TMEM182: variants seen among roughly 807,000 people sequenced by gnomAD.
The protein encoded by TMEM182 is transmembrane protein 182.
A neutral mutation model predicts 26.8 loss-of-function variants in TMEM182; 20 were observed. The ratio of observed to expected loss-of-function variants is 0.75; its 90% CI spans 0.53 to 1.09. The LOEUF is 1.09. Among genes scored for constraint, TMEM182 ranks in the 50% least tolerant of loss-of-function variants. The probability of loss-of-function intolerance (pLI) is 0.00; values close to 1 mark genes in which losing one functional copy is unlikely to be tolerated. For synonymous variants in TMEM182, 109 were observed against 102.2 expected, an observed-to-expected ratio of 1.07 and a Z score of -0.40; for missense variants, 277 against 275.5, an observed-to-expected ratio of 1.01 and a Z score of -0.04.
At chr2:102,814,304 GTA>G (rs1682661407) in intron 4 of TMEM182, among the ~76,000 whole-genome samples, 1 of 152,064 alleles carries the variant, frequency 6.6e-6, no homozygotes, top group South Asian at 2.1e-4. Context: ...CTGTGTCTGT[GTA>G]TATCTAAAAC....
At chr2:102,803,573 TGAGATAAGA>T (rs1446863725) in intron 4 of TMEM182, among the ~76,000 whole-genome samples, 2 of 152,132 alleles carry the variant, frequency 1.3e-5, no homozygotes, top group African/African-American at 4.8e-5. Context: ...TATTTGCAAC[TGAGATAAGA>T]GAGATAAGAT....
intron 3 of TMEM182, among the ~76,000 whole-genome samples, chr2:102,779,723 G>T (rs1029571835): frequency 6.6e-6 from 1 of 151,300 alleles, no homozygotes; most frequent in Non-Finnish European, 1.5e-5. Flanking sequence ...AAGGCTGGGT[G>T]TGGTGGCTCA....
intron 2 of TMEM182, among the ~76,000 whole-genome samples, chr2:102,763,638 G>C (rs536721301): frequency 6.6e-6 from 1 of 152,268 alleles, no homozygotes; most frequent in African/African-American, 2.4e-5. Flanking sequence ...TTTGGGGGCA[G>C]GAGAATAAGC....
At chr2:102,818,762 C>CTATCTATCTATG (rs1553444831), downstream of TMEM182, among the ~76,000 whole-genome samples, 3 of 151,788 alleles carry the variant, frequency 2.0e-5, no homozygotes, top group East Asian at 5.8e-4. Context: ...ATCTATCTAT[C>CTATCTATCTATG]TATCTATCTA....
chr2:102,836,119 C>T (rs1407282037), intron 3 of TMEM182, among the ~76,000 whole-genome samples: 1 of 152,012 alleles, frequency 6.6e-6, no homozygotes, highest in African/African-American at 2.4e-5. Flanking sequence ...TTGGAGGTAC[C>T]ACAGTTCTCT....
chr2:102,758,976 C>G (rs746741031), upstream of TMEM182, among the ~76,000 whole-genome samples: 4 of 152,150 alleles, frequency 2.6e-5, no homozygotes, highest in Non-Finnish European at 5.9e-5. Flanking sequence ...TATAAACACT[C>G]TAGCTACATT....
chr2:102,819,921 C>G (rs1682876958), downstream of TMEM182, among the ~76,000 whole-genome samples: 1 of 152,170 alleles, frequency 6.6e-6, no homozygotes, highest in Admixed American at 6.5e-5. Flanking sequence ...ATAAAATGAA[C>G]TAGTCATGTT....
chr2:102,809,393 A>T (rs1682467850), intron 4 of TMEM182, among the ~76,000 whole-genome samples: 1 of 152,102 alleles, frequency 6.6e-6, no homozygotes, highest in Non-Finnish European at 1.5e-5. Context: ...GTCTGCTCTA[A>T]ATTCACCGTT....
At chr2:102,798,545 A>G (rs1259729604) in intron 4 of TMEM182, among the ~76,000 whole-genome samples, 1 of 152,134 alleles carries the variant, frequency 6.6e-6, no homozygotes, top group Non-Finnish European at 1.5e-5. Flanking sequence ...CATTTTCTTA[A>G]TTGTTTGTTG....
chr2:102,756,527 G>A (rs113922877), intron 1 of TMEM182, among the ~76,000 whole-genome samples: 29,770 of 150,824 alleles, frequency 0.2, 3,715 homozygotes, highest in Middle Eastern at 0.31. Context: ...GGCCAACATG[G>A]TGAAGCCCCA....
At chr2:102,750,410 C>T (rs1046939807) in intron 1 of TMEM182, among the ~76,000 whole-genome samples, 14 of 152,070 alleles carry the variant, frequency 9.2e-5, no homozygotes, top group Admixed American at 4.6e-4. Flanking sequence ...TGTTTTTTGC[C>T]GATGTTGCTT....
intron 1 of TMEM182, among the ~76,000 whole-genome samples, chr2:102,756,086 T>C (rs1292818810): frequency 6.6e-6 from 1 of 152,154 alleles, no homozygotes; most frequent in Non-Finnish European, 1.5e-5. Context: ...AGCAAAGATT[T>C]GAGGAGCTAC....
intron 3 of TMEM182, among the ~76,000 whole-genome samples, chr2:102,774,909 T>C (rs1054632323): frequency 3.8e-4 from 58 of 152,316 alleles, no homozygotes; most frequent in Admixed American, 1.2e-3. Context: ...ATTTTCTTCT[T>C]TTTTAAAAAA....
chr2:102,823,436 G>A (rs562423434), intron 3 of TMEM182, among the ~76,000 whole-genome samples: 152 of 152,148 alleles, frequency 1.0e-3, no homozygotes, highest in African/African-American at 3.3e-3. Flanking sequence ...GGGTTCAAGC[G>A]ATTCTCCTGC....
chr2:102,797,643 A>G lies in TMEM182; in HGVS notation c.332-220A>G, dbSNP rs1003239539. Reference sequence around the variant, plus strand: ...CATGTGTGTGGTACAAACATTGAGCAAGAGGAGTTGATTGAAGGTCACCAG... The same window carrying G: ...CATGTGTGTGGTACAAACATTGAGCGAGAGGAGTTGATTGAAGGTCACCAG... On this transcript the variant is annotated intron_variant, in intron 3 of 4. Transcript: ENST00000412401. 2.1e-4 allele frequency: 108 copies of G among 507,552 alleles called. 1 individual carries two copies. Among genetic ancestry groups the G allele is most frequent in the Middle Eastern group, 1.1e-3 (2 of 1,876 alleles). The allele number at this position is 507,552 out of a possible 1,614,324, so 31.4% of individuals were successfully genotyped here.
chr2:102,812,693 T>A (rs1682597529), intron 4 of TMEM182, among the ~76,000 whole-genome samples: 1 of 152,222 alleles, frequency 6.6e-6, no homozygotes. Flanking sequence ...AAAGATAAAT[T>A]TAAGGCTACT....
chr2:102,807,235 T>A (rs1682382112), intron 4 of TMEM182, among the ~76,000 whole-genome samples: 1 of 152,162 alleles, frequency 6.6e-6, no homozygotes, highest in African/African-American at 2.4e-5. Context: ...AATTATTGTA[T>A]TTGGAAAGCA....
At chr2:102,824,048 G>T (rs1321002816) in intron 3 of TMEM182, among the ~76,000 whole-genome samples, 3 of 152,188 alleles carry the variant, frequency 2.0e-5, no homozygotes, top group South Asian at 2.1e-4. Flanking sequence ...CAGAAAGAGG[G>T]TTTTAAAAAT....
chr2:102,830,827 A>C (rs1413350877), intron 3 of TMEM182, among the ~76,000 whole-genome samples: 2 of 152,074 alleles, frequency 1.3e-5, no homozygotes, highest in African/African-American at 4.8e-5. Flanking sequence ...CCCATTAACC[A>C]TCCTCACCTC....
Sources: allele counts gnomAD v4.1 joint callset (sites outside exome capture counted in the v4.1 genomes callset), GRCh38; gene constraint gnomAD v4.1.1; transcripts MANE v1.5; gene names NCBI Gene and HGNC (gene_info 2026-07-23, HGNC 2026-07-21).